Variants in ABHD12 observed in about 807,000 individuals in gnomAD.
ABHD12 encodes lysophosphatidylserine lipase ABHD12.
Under a neutral mutation model 58.3 loss-of-function variants are expected in ABHD12, and 43 were observed. The ratio of observed to expected loss-of-function variants is 0.74; its 90% CI spans 0.58 to 0.95. ABHD12 has a LOEUF of 0.95. ABHD12 is among the 40% of genes least tolerant of loss of function. The pLI is 0.00. For synonymous variants in ABHD12, 219 were observed against 211.2 expected (o/e 1.04, Z -0.32); for missense variants, 539 against 537.2 (o/e 1.00, Z -0.03).
At chr20:25,308,783 G>A (rs573946740) in intron 7 of ABHD12, among the ~76,000 whole-genome samples, 5 of 152,294 alleles carry the variant, frequency 3.3e-5, no homozygotes, top group Admixed American at 2.6e-4. Context: ...GCCGCCTGTC[G>A]GCTGGGGGTG....
chr20:25,312,643 G>A (rs929741948), intron 6 of ABHD12, among the ~76,000 whole-genome samples: 10 of 145,312 alleles, frequency 6.9e-5, no homozygotes, highest in Non-Finnish European at 1.4e-4. Flanking sequence ...GCCGCCCATC[G>A]TCTGGGATGT....
At chr20:25,366,903 G>C (rs2089829689) in intron 1 of ABHD12, among the ~76,000 whole-genome samples, 1 of 152,154 alleles carries the variant, frequency 6.6e-6, no homozygotes, top group South Asian at 2.1e-4. Flanking sequence ...GCATGGACCA[G>C]ACCCCACACA....
chr20:25,308,586 G>A, intron 7 of ABHD12, 92 bp from the exon 8 acceptor site: 1 of 1,457,246 alleles, frequency 6.9e-7, no homozygotes, highest in Non-Finnish European at 9.4e-7. Context: ...GAGGAGCCAT[G>A]GGGTCTGTGA....
At chr20:25,339,469 G>C in intron 1 of ABHD12, 118 bp from the exon 2 acceptor site, 1 of 1,497,132 alleles carries the variant, frequency 6.7e-7, no homozygotes, top group Non-Finnish European at 9.2e-7. Flanking sequence ...TTTCCACAAG[G>C]ATACTGCCAA....
intron 1 of ABHD12, among the ~76,000 whole-genome samples, chr20:25,361,486 T>C (rs568678124): frequency 1.4e-4 from 22 of 152,260 alleles, no homozygotes; most frequent in Admixed American, 1.4e-3. Context: ...ATTACAGACA[T>C]GCGCCACCTC....
intron 1 of ABHD12, among the ~76,000 whole-genome samples, chr20:25,364,766 AAAGAAT>A (rs1361514030): frequency 2.6e-5 from 4 of 152,248 alleles, no homozygotes; most frequent in African/African-American, 9.6e-5. Context: ...AATCACTGGC[AAAGAAT>A]AAGAATATAA....
chr20:25,319,674 G>A (rs2089029543), intron 4 of ABHD12, among the ~76,000 whole-genome samples: 1 of 152,206 alleles, frequency 6.6e-6, no homozygotes, highest in Non-Finnish European at 1.5e-5. Context: ...CCATTCCCAA[G>A]AGCGCGAGGC....
At chr20:25,375,731 T>G (rs935059965) in intron 1 of ABHD12, among the ~76,000 whole-genome samples, 1 of 152,224 alleles carries the variant, frequency 6.6e-6, no homozygotes, top group African/African-American at 2.4e-5. Context: ...AATTGTTTCG[T>G]GTATGTTGTC....
chr20:25,296,201 G>T (rs151223737), downstream of ABHD12, among the ~76,000 whole-genome samples: 3 of 152,136 alleles, frequency 2.0e-5, no homozygotes, highest in African/African-American at 2.4e-5. Context: ...TTCCTGGTCC[G>T]TGGGGTCCCC....
intron 1 of ABHD12, among the ~76,000 whole-genome samples, chr20:25,351,537 G>A (rs946839195): frequency 2.6e-5 from 4 of 152,228 alleles, no homozygotes; most frequent in Non-Finnish European, 5.9e-5. Context: ...AAATACTGAT[G>A]CTTGGGACTT....
At position 25,390,502 on chromosome 20, in the gene ABHD12, C is replaced by A; in HGVS notation, c.191+11G>T. 1.5e-6 allele frequency: 2 copies of A among 1,370,324 alleles called. No homozygotes were observed. The highest frequency in any genetic ancestry group is 2.6e-5 in the Admixed American group (1 of 38,468). The allele number at this position is 1,370,324 out of a possible 1,614,324, so 84.9% of individuals were successfully genotyped here. A position where few individuals can be genotyped will look rare whatever the true frequency, so the allele number is the denominator to read the frequency against. On this transcript the variant is annotated intron_variant, in intron 1 of 12. Coordinates refer to ENST00000339157, the MANE Select transcript of ABHD12 (RefSeq NM_001042472.3). ...GCCCCCCCCCCCCCCCCGCTCCGCG[C>A]GAAGCCTCACCTGCCCAGCGCCCGC... is the stretch of plus-strand genomic sequence containing the variant.
At chr20:25,360,226 A>ATTT (rs2089726267) in intron 1 of ABHD12, among the ~76,000 whole-genome samples, 1 of 27,760 alleles carries the variant, frequency 3.6e-5, no homozygotes, top group African/African-American at 1.4e-4. Flanking sequence ...TGAACACGTT[A>ATTT]CTTTTTTTTT....
intron 2 of ABHD12, 118 bp from the exon 3 acceptor site, chr20:25,323,548 C>T: frequency 1.4e-6 from 1 of 730,134 alleles, no homozygotes; most frequent in Non-Finnish European, 2.5e-6. Context: ...CACACACACA[C>T]ATGCACACCC....
chr20:25,310,925 T>C (rs901846913), intron 6 of ABHD12, among the ~76,000 whole-genome samples: 1 of 152,106 alleles, frequency 6.6e-6, no homozygotes, highest in Non-Finnish European at 1.5e-5. Flanking sequence ...CTGACAGAAG[T>C]GCGGGGAGAT....
chr20:25,302,165 G>A (rs1039217171), intron 12 of ABHD12, 54 bp downstream of exon 12: 4 of 1,611,076 alleles, frequency 2.5e-6, no homozygotes, highest in Non-Finnish European at 1.7e-6. Flanking sequence ...TGCACGTTAG[G>A]TGTGAGCCAG....
intron 1 of ABHD12, chr20:25,339,695 C>G: frequency 7.3e-6 from 10 of 1,375,794 alleles, no homozygotes; most frequent in Non-Finnish European, 8.8e-6. Flanking sequence ...CAGCTGTAAC[C>G]TCGTATCAGG....
chr20:25,373,374 C>G (rs914746800), intron 1 of ABHD12, among the ~76,000 whole-genome samples: 2 of 152,066 alleles, frequency 1.3e-5, no homozygotes, highest in African/African-American at 4.8e-5. Context: ...TGGTAAAACT[C>G]TGTATCTACT....
intron 2 of ABHD12, among the ~76,000 whole-genome samples, chr20:25,332,441 C>G (rs914145490): frequency 1.4e-5 from 2 of 146,356 alleles, no homozygotes; most frequent in African/African-American, 4.9e-5. Flanking sequence ...GAACTCAGCT[C>G]TGCACCAAGA....
downstream of ABHD12, chr20:25,296,476 A>T: frequency 6.2e-7 from 1 of 1,613,748 alleles, no homozygotes; most frequent in Non-Finnish European, 8.5e-7. Context: ...TGGGGTGTGG[A>T]GCCCTCCGAC....
Sources: allele counts gnomAD v4.1 joint callset (sites outside exome capture counted in the v4.1 genomes callset), GRCh38; gene constraint gnomAD v4.1.1; transcripts MANE v1.5; gene names NCBI Gene and HGNC (gene_info 2026-07-23, HGNC 2026-07-21).